The following SPATA6 variants were observed in gnomAD, a reference collection of about 807,000 sequenced individuals.
The protein encoded by SPATA6 is spermatogenesis associated 6, also known as spermatogenesis-associated protein 6.
SPATA6 carries 56 observed loss-of-function variants against 65.3 expected under a neutral mutation model. The ratio of observed to expected loss-of-function variants is 0.86; its 90% CI spans 0.69 to 1.07. The LOEUF is 1.07. SPATA6 is among the 50% of genes least tolerant of loss of function. The pLI is 0.00. For synonymous variants in SPATA6, 199 were observed against 213.2 expected (o/e 0.93, Z 0.58); for missense variants, 590 against 594.8 (o/e 0.99, Z 0.08).
intron 11 of SPATA6, among the ~76,000 whole-genome samples, chr1:48,313,393 C>T (rs1279044716): frequency 1.3e-5 from 2 of 152,168 alleles, no homozygotes; most frequent in Non-Finnish European, 2.9e-5. Context: ...CAATATTCAA[C>T]ATTCTTAAAG....
intron 9 of SPATA6, among the ~76,000 whole-genome samples, chr1:48,366,360 G>C (rs545329251): frequency 6.6e-6 from 1 of 152,290 alleles, no homozygotes; most frequent in East Asian, 1.9e-4. Flanking sequence ...AATAGTTTCA[G>C]AAGGAATGGT....
chr1:48,270,801 A>G, the SPATA6 span, among the ~76,000 whole-genome samples: 1 of 152,144 alleles, frequency 6.6e-6, no homozygotes, highest in Admixed American at 6.6e-5. Flanking sequence ...AGAGGAGAAT[A>G]TGTTATCCTC....
intron 10 of SPATA6, among the ~76,000 whole-genome samples, chr1:48,356,996 A>G (rs1394704859): frequency 6.6e-6 from 1 of 152,142 alleles, no homozygotes; most frequent in Non-Finnish European, 1.5e-5. Flanking sequence ...TGCAATATAT[A>G]TAGTACATCT....
At position 48,301,322 on chromosome 1, in the gene SPATA6, G is replaced by A. The variant is rs532747281; in HGVS notation, c.1287-2429C>T. Reference sequence around the variant, plus strand: ...AAAAAAGCCAGAAAAGTGAAAGACTGCTATGACAAAAACTATAAAACACTG... The same window carrying A: ...AAAAAAGCCAGAAAAGTGAAAGACTACTATGACAAAAACTATAAAACACTG... On this transcript the variant is annotated intron_variant, in intron 12 of 12. Transcript: ENST00000371847. Among the ~76,000 whole-genome samples, 34 of 151,288 alleles carry A rather than the reference G, an allele frequency of 2.2e-4. 1 individual carries two copies. Among genetic ancestry groups the A allele is most frequent in the Admixed American group, 9.2e-4 (14 of 15,192 alleles).
At chr1:48,312,318 G>C (rs900473092) in intron 11 of SPATA6, among the ~76,000 whole-genome samples, 9 of 152,080 alleles carry the variant, frequency 5.9e-5, no homozygotes, top group African/African-American at 2.2e-4. Context: ...GCACCCCCCA[G>C]TAGGGGCAGA....
chr1:48,325,813 G>C, intron 11 of SPATA6: 2 of 438,518 alleles, frequency 4.6e-6, no homozygotes, highest in Non-Finnish European at 9.0e-6. Context: ...GCTGAGGCTT[G>C]TGAGGCTCCA....
chr1:48,347,246 G>A (rs924583683), intron 11 of SPATA6, among the ~76,000 whole-genome samples: 2 of 151,632 alleles, frequency 1.3e-5, no homozygotes, highest in South Asian at 2.1e-4. Context: ...ATGGTGCTGC[G>A]ATGACTGGCA....
intron 8 of SPATA6, among the ~76,000 whole-genome samples, chr1:48,391,798 G>T: frequency 6.6e-6 from 1 of 151,822 alleles, no homozygotes; most frequent in East Asian, 1.9e-4. Flanking sequence ...ATATAAAAAA[G>T]TTATACCAGA....
At chr1:48,390,112 T>C (rs1422783238) in intron 8 of SPATA6, among the ~76,000 whole-genome samples, 1 of 152,144 alleles carries the variant, frequency 6.6e-6, no homozygotes, top group Non-Finnish European at 1.5e-5. Context: ...ATTAGTATAT[T>C]GAAGAGATAT....
chr1:48,352,630 A>G (rs12142908), intron 11 of SPATA6, among the ~76,000 whole-genome samples: 11,799 of 152,094 alleles, frequency 0.078, 619 homozygotes, highest in East Asian at 0.23. Context: ...AGTTCCAGAA[A>G]AACAGCAAAG....
intron 1 of SPATA6, among the ~76,000 whole-genome samples, chr1:48,459,980 T>C (rs1657305947): frequency 6.6e-6 from 1 of 152,320 alleles, no homozygotes; most frequent in African/African-American, 2.4e-5. Flanking sequence ...TAAGTCATTT[T>C]TTTTTTAAGA....
chr1:48,327,671 A>T (rs908237114), intron 11 of SPATA6, among the ~76,000 whole-genome samples: 2 of 152,144 alleles, frequency 1.3e-5, no homozygotes, highest in Admixed American at 1.3e-4. Flanking sequence ...TGTCCTTTGC[A>T]GCAACACAGA....
At chr1:48,274,360 A>G in the SPATA6 span, among the ~76,000 whole-genome samples, 1 of 151,722 alleles carries the variant, frequency 6.6e-6, no homozygotes, top group Non-Finnish European at 1.5e-5. Context: ...ATCCCGTTGT[A>G]TATTTTGGTT....
chr1:48,292,757 G>A (rs1244119972), downstream of SPATA6, among the ~76,000 whole-genome samples: 1 of 152,272 alleles, frequency 6.6e-6, no homozygotes, highest in Admixed American at 6.5e-5. Context: ...GTCATTAACA[G>A]CCAGGGCCAG....
intron 9 of SPATA6, among the ~76,000 whole-genome samples, chr1:48,376,646 GTGTT>G (rs1647944664): frequency 6.6e-6 from 1 of 151,916 alleles, no homozygotes; most frequent in African/African-American, 2.4e-5. Flanking sequence ...ATTCAGTCAT[GTGTT>G]CTCATTGTTA....
At chr1:48,308,502 T>C (rs893420274) in intron 11 of SPATA6, among the ~76,000 whole-genome samples, 2 of 152,162 alleles carry the variant, frequency 1.3e-5, no homozygotes, top group Admixed American at 1.3e-4. Context: ...AAAAACTGTA[T>C]TTAGCCTATC....
intron 1 of SPATA6, among the ~76,000 whole-genome samples, chr1:48,460,386 CA>C (rs764149591): frequency 1.6e-4 from 24 of 152,258 alleles, no homozygotes; most frequent in Admixed American, 1.6e-3. Flanking sequence ...TAAATGTTCT[CA>C]GCAAACTCAG....
chr1:48,278,516 C>T, the SPATA6 span, among the ~76,000 whole-genome samples: 1 of 152,052 alleles, frequency 6.6e-6, no homozygotes, highest in Admixed American at 6.6e-5. Context: ...AGCCAAGGCT[C>T]GAGAACTACA....
chr1:48,466,275 G>A (rs1314187320), intron 1 of SPATA6, among the ~76,000 whole-genome samples: 1 of 152,054 alleles, frequency 6.6e-6, no homozygotes, highest in Non-Finnish European at 1.5e-5. Flanking sequence ...TTATACTAAT[G>A]AAGGAAATGA....
Sources: allele counts gnomAD v4.1 joint callset (sites outside exome capture counted in the v4.1 genomes callset), GRCh38; gene constraint gnomAD v4.1.1; transcripts MANE v1.5; gene names NCBI Gene and HGNC (gene_info 2026-07-23, HGNC 2026-07-21).